The following FTO variants were observed in gnomAD, a reference collection of about 807,000 sequenced individuals.
FTO encodes the protein FTO alpha-ketoglutarate dependent dioxygenase.
Under a neutral mutation model 63.9 loss-of-function variants are expected in FTO, and 47 were observed. That is an observed-to-expected ratio of 0.74 (90% CI 0.58 to 0.94). FTO has a LOEUF of 0.94. FTO is among the 40% of genes least tolerant of loss of function. The probability of loss-of-function intolerance (pLI) is 0.00; values close to 1 mark genes in which losing one functional copy is unlikely to be tolerated. For missense variants in FTO, 562 were observed against 618.1 expected, an observed-to-expected ratio of 0.91 and a Z score of 0.96; for synonymous variants, 207 against 224.4, an observed-to-expected ratio of 0.92 and a Z score of 0.69.
intron 1 of FTO, among the ~76,000 whole-genome samples, chr16:53,780,587 C>G (rs1169209941): frequency 6.6e-6 from 1 of 152,084 alleles, no homozygotes. Flanking sequence ...TCAGGCTGGT[C>G]TTGAACTCCT....
At chr16:53,725,273 A>T (rs2076127937) in intron 1 of FTO, among the ~76,000 whole-genome samples, 1 of 152,224 alleles carries the variant, frequency 6.6e-6, no homozygotes, top group African/African-American at 2.4e-5. Flanking sequence ...TTGTGATTTT[A>T]TGTACATATA....
At chr16:54,094,377 G>T (rs777945153) in intron 8 of FTO, among the ~76,000 whole-genome samples, 1 of 152,126 alleles carries the variant, frequency 6.6e-6, no homozygotes, top group Non-Finnish European at 1.5e-5. Context: ...AACTTCAGTC[G>T]GAGGACTTCA....
chr16:54,022,717 CA>C (rs1276207546), intron 8 of FTO, among the ~76,000 whole-genome samples: 23 of 151,592 alleles, frequency 1.5e-4, no homozygotes, highest in Non-Finnish European at 3.2e-4. Context: ...CAAGAGTTCA[CA>C]AAAAAAACCA....
chr16:53,864,444 C>G (rs758807628), intron 4 of FTO, among the ~76,000 whole-genome samples: 5 of 152,102 alleles, frequency 3.3e-5, no homozygotes, highest in Non-Finnish European at 5.9e-5. Context: ...CCAGGAAAGT[C>G]GTGAACATGA....
At position 54,118,333 on chromosome 16, in the gene FTO, A is replaced by T. The variant is rs1206876427; in HGVS notation, c.*6418A>T. On this transcript the variant is annotated 3_prime_UTR_variant, in exon 9 of 9. Transcript: ENST00000471389. Reference sequence around the variant, plus strand: ...GACCCTCTTCATTAGTGATAATGGCATGAAGCTCTTTCACACAGTCTTTTT... The same window carrying T: ...GACCCTCTTCATTAGTGATAATGGCTTGAAGCTCTTTCACACAGTCTTTTT... The T allele has an allele frequency of 6.7e-6, 1 of 150,010 alleles. No homozygotes were observed. Among genetic ancestry groups the T allele is most frequent in the African/African-American group, 2.4e-5 (1 of 40,872 alleles). 9.3% of individuals were successfully genotyped at this position (150,010 alleles called of 1,614,324 possible). A position where few individuals can be genotyped will look rare whatever the true frequency, so the allele number is the denominator to read the frequency against.
At chr16:53,808,869 T>C (rs1471490814) in intron 1 of FTO, among the ~76,000 whole-genome samples, 3 of 152,234 alleles carry the variant, frequency 2.0e-5, no homozygotes, top group Non-Finnish European at 4.4e-5. Flanking sequence ...ATTGCATTTT[T>C]ATTTGAAACC....
intron 1 of FTO, among the ~76,000 whole-genome samples, chr16:53,719,911 T>C (rs1324895117): frequency 6.6e-6 from 1 of 152,188 alleles, no homozygotes; most frequent in Non-Finnish European, 1.5e-5. Flanking sequence ...TCATTTTCTT[T>C]CTCATACCTT....
At chr16:53,902,648 A>C (rs1195615072) in intron 7 of FTO, among the ~76,000 whole-genome samples, 2 of 152,106 alleles carry the variant, frequency 1.3e-5, no homozygotes, top group Admixed American at 6.5e-5. Context: ...CAGCATCCTC[A>C]TGTTGCCTTG....
chr16:53,868,924 C>T lies in FTO; in HGVS notation c.896-4862C>T, dbSNP rs113521383. Among the ~76,000 whole-genome samples the T allele has an allele frequency of 8.8e-3, 1,332 of 152,150 alleles. 26 individuals carry two copies. The highest frequency in any genetic ancestry group is 0.031 in the African/African-American group (1,279 of 41,510). ...TTGGCTCACTGCAACCTCCGCCTCC[C>T]GGGTTCAAGCGATTTTCCTGCTTCA... On this transcript the variant is annotated intron_variant, in intron 4 of 8. Coordinates refer to ENST00000471389, the MANE Select transcript of FTO (RefSeq NM_001080432.3).
chr16:53,994,961 T>C (rs1287029632), intron 8 of FTO, among the ~76,000 whole-genome samples: 2 of 152,214 alleles, frequency 1.3e-5, no homozygotes, highest in Non-Finnish European at 1.5e-5. Context: ...CTCAAACTCC[T>C]GACCTCAAGT....
intron 8 of FTO, among the ~76,000 whole-genome samples, chr16:53,959,656 G>C (rs1383792682): frequency 6.6e-6 from 1 of 152,114 alleles, no homozygotes; most frequent in Non-Finnish European, 1.5e-5. Flanking sequence ...GGTGTTAACT[G>C]TACTGTACAG....
At chr16:54,093,504 C>G (rs1180057132) in intron 8 of FTO, among the ~76,000 whole-genome samples, 1 of 152,166 alleles carries the variant, frequency 6.6e-6, no homozygotes, top group African/African-American at 2.4e-5. Context: ...CTGTGTTCTC[C>G]TGACTCACCG....
At chr16:53,929,360 T>G (rs532185696) in intron 7 of FTO, among the ~76,000 whole-genome samples, 227 of 152,350 alleles carry the variant, frequency 1.5e-3, no homozygotes, top group Non-Finnish European at 2.6e-3. Context: ...AGTGATGGCA[T>G]ACATCAGTTG....
intron 8 of FTO, among the ~76,000 whole-genome samples, chr16:54,037,380 T>G (rs1260300784): frequency 6.6e-6 from 1 of 152,198 alleles, no homozygotes; most frequent in African/African-American, 2.4e-5. Flanking sequence ...CAGAAGAAAG[T>G]TGCTTTAAGG....
At chr16:53,778,639 T>G (rs1334351758) in intron 1 of FTO, among the ~76,000 whole-genome samples, 1 of 152,130 alleles carries the variant, frequency 6.6e-6, no homozygotes, top group Non-Finnish European at 1.5e-5. Flanking sequence ...ATAGTTTTAT[T>G]AGTTATATCT....
intron 1 of FTO, among the ~76,000 whole-genome samples, chr16:53,710,772 T>C (rs2075750731): frequency 6.6e-6 from 1 of 152,214 alleles, no homozygotes; most frequent in East Asian, 1.9e-4. Context: ...AAAACTTAAG[T>C]ATCTGGTAAC....
chr16:54,049,790 G>C (rs572812765), intron 8 of FTO, among the ~76,000 whole-genome samples: 1 of 152,196 alleles, frequency 6.6e-6, no homozygotes, highest in Non-Finnish European at 1.5e-5. Flanking sequence ...CCATTCATGG[G>C]CTCTTTTCCC....
At chr16:53,922,690 T>C (rs2082035426) in intron 7 of FTO, among the ~76,000 whole-genome samples, 1 of 152,240 alleles carries the variant, frequency 6.6e-6, no homozygotes. Flanking sequence ...GTGAAGCTAA[T>C]AGACTGCAAG....
At chr16:53,949,099 G>A (rs1363107659) in intron 8 of FTO, among the ~76,000 whole-genome samples, 1 of 152,198 alleles carries the variant, frequency 6.6e-6, no homozygotes, top group Admixed American at 6.5e-5. Context: ...CCACAAAAAT[G>A]TTGGCAGTTT....
Sources: gnomAD v4.1 joint callset for allele counts (sites outside exome capture counted in the v4.1 genomes callset) on GRCh38, gnomAD v4.1.1 for gene constraint, MANE v1.5 for transcripts, NCBI Gene and HGNC (gene_info 2026-07-23, HGNC 2026-07-21) for gene names.